CALR3: variants seen among roughly 807,000 people sequenced by gnomAD.
The protein encoded by CALR3 is calreticulin-3.
In CALR3, 39 loss-of-function variants were observed where a neutral mutation model predicts 48.7. That is an observed-to-expected ratio of 0.80 (90% CI 0.62 to 1.05). The LOEUF (loss-of-function observed/expected upper bound fraction) is 1.05. CALR3 is among the 50% of genes least tolerant of loss of function. The pLI, the probability that CALR3 is intolerant of heterozygous loss-of-function variation, is 0.00. For missense variants in CALR3, 449 were observed against 474.7 expected (o/e 0.95, Z 0.50); for synonymous variants, 185 against 172.7 (o/e 1.07, Z -0.56).
chr19:16,489,238 A>G (rs2093394142), intron 3 of CALR3, among the ~76,000 whole-genome samples: 1 of 152,134 alleles, frequency 6.6e-6, no homozygotes, highest in African/African-American at 2.4e-5. Flanking sequence ...TAATCCCAGC[A>G]CTTTGGAAGG....
intron 4 of CALR3, among the ~76,000 whole-genome samples, chr19:16,484,544 G>T (rs777716465): frequency 1.4e-4 from 21 of 151,830 alleles, no homozygotes; most frequent in Non-Finnish European, 2.5e-4. Flanking sequence ...TTGAGACAGG[G>T]TCTTGCTCTG....
chr19:16,485,299 C>T (rs2093387546), intron 3 of CALR3, 42 bp from the exon 4 acceptor site: 2 of 1,286,576 alleles, frequency 1.6e-6, no homozygotes, highest in African/African-American at 1.5e-5. Context: ...TTCCATAATG[C>T]ATCACCGTAG....
chr19:16,495,366 C>T (rs2096118978), intron 2 of CALR3, among the ~76,000 whole-genome samples: 3 of 151,566 alleles, frequency 2.0e-5, no homozygotes, highest in Admixed American at 2.0e-4. Context: ...AGTTCGAGAC[C>T]AGCCTGGCCA....
Position 16,479,231 on chromosome 19 carries a change from A to G in CALR3, c.1055T>C (p.Met352Thr). The G allele has an allele frequency of 6.2e-7, 1 of 1,613,854 alleles. No individual in the cohort carries two copies. Among genetic ancestry groups the G allele is most frequent in the Non-Finnish European group, 8.5e-7 (1 of 1,179,976 alleles). Residue 352 changes from methionine (M) to threonine (T), a missense_variant, in exon 9 of 9, where the codon ATG becomes ACG. By Grantham distance (81) the Met-to-Thr change is moderately conservative. Transcript: ENST00000269881. Reference protein sequence around the residue: ...EMDAIQAKEEMKKAREEEEEE... With the variant: ...EMDAIQAKEETKKAREEEEEE... Reference sequence around the variant, plus strand: ...CTCCTCTTCCTCGCGGGCCTTCTTCATTTCCTCCTTGGCCTGTATGGCATC... The same window carrying G: ...CTCCTCTTCCTCGCGGGCCTTCTTCGTTTCCTCCTTGGCCTGTATGGCATC...
At chr19:16,481,854 G>T (rs2093381223) in intron 7 of CALR3, among the ~76,000 whole-genome samples, 1 of 150,954 alleles carries the variant, frequency 6.6e-6, no homozygotes, top group Non-Finnish European at 1.5e-5. Context: ...CACTTTGGAA[G>T]GCTGAGGTGG....
rs199561391 is a variant in CALR3, at chr19:16,490,547, G to A, written c.217C>T (p.Arg73Ter). ...DKGLQTTQNG[R>*]FYAISARFKP... is the part of the protein sequence containing the mutation. ...AAGCGTGCAGAGATGGCATAGAATC[G>A]GCCATTCTGAGTGGTTTGCAGACCT... Residue 73 changes from arginine to a stop codon, truncating the protein, a stop_gained, in exon 3 of 9, where the codon CGA becomes TGA. Transcript: ENST00000269881. LOFTEE classifies it high-confidence loss of function. 6 of 1,613,950 alleles carry A rather than the reference G, an allele frequency of 3.7e-6. No homozygotes were observed. In the South Asian group the frequency reaches 4.4e-5, roughly 12 times the overall value.
intron 3 of CALR3, 113 bp downstream of exon 3, chr19:16,490,254 T>C (rs74762906): frequency 1.9e-5 from 17 of 874,334 alleles, no homozygotes; most frequent in Non-Finnish European, 3.2e-5. Flanking sequence ...GGATCCGATA[T>C]ACTCAATACT....
intron 3 of CALR3, among the ~76,000 whole-genome samples, chr19:16,487,481 CAA>C (rs59647657): frequency 1.9e-5 from 2 of 102,720 alleles, no homozygotes; most frequent in African/African-American, 4.1e-5. Flanking sequence ...TGTGTCTCCA[CAA>C]AAAAAAAAAA....
chr19:16,492,402 A>AC (rs1385259539), intron 2 of CALR3, among the ~76,000 whole-genome samples: 1 of 151,916 alleles, frequency 6.6e-6, no homozygotes, highest in Non-Finnish European at 1.5e-5. Context: ...GAGCCATTGC[A>AC]CCCCAGCCTG....
chr19:16,483,664 G>A (rs2093384370), intron 5 of CALR3: 1 of 389,674 alleles, frequency 2.6e-6, no homozygotes. Flanking sequence ...GTTGCCGTGA[G>A]CTGAGATCAC....
At chr19:16,487,263 G>A (rs2093390487) in intron 3 of CALR3, among the ~76,000 whole-genome samples, 1 of 152,078 alleles carries the variant, frequency 6.6e-6, no homozygotes, top group Non-Finnish European at 1.5e-5. Flanking sequence ...TGGATCACCT[G>A]AGGTCAGTAG....
At position 16,480,350 on chromosome 19, in the gene CALR3, G is replaced by A. The variant is rs553091553; in HGVS notation, c.1011+264C>T. On this transcript the variant is annotated intron_variant, in intron 8 of 8. Coordinates refer to ENST00000269881, the MANE Select transcript of CALR3 (RefSeq NM_145046.5). ...GTGGATCACCTGAGGTCAGGACTTCGAGACCAGCCTGAACAATATGGTGAA... is the reference window on the plus strand; with the variant it reads ...GTGGATCACCTGAGGTCAGGACTTCAAGACCAGCCTGAACAATATGGTGAA... Among the ~76,000 whole-genome samples, 3 of 151,662 alleles carry A rather than the reference G, an allele frequency of 2.0e-5. No individual in the cohort carries two copies. In the East Asian group the frequency reaches 5.8e-4, roughly 30 times the overall value.
In CALR3 at chr19:16,482,499, T is replaced by A. The variant is rs1392687037; in HGVS notation, c.869A>T (p.Asp290Val). The change falls in exon 7 of 9, where the codon GAC becomes GTC. Residue 290 changes from aspartate to valine, a missense_variant. By Grantham distance (152) the Asp-to-Val change is radical. Coordinates refer to ENST00000269881, the MANE Select transcript of CALR3 (RefSeq NM_145046.5). ...MKNTDYLTQY[D>V]LSEFENIGAI... ...ACCAATGTTCTCAAATTCTGAGAGG[T>A]CATACTGCGTCAAATAGTCGGTATT... 1.2e-6 allele frequency: 2 copies of A among 1,614,136 alleles called. No homozygotes were observed. Among genetic ancestry groups the A allele is most frequent in the Non-Finnish European group, 1.7e-6 (2 of 1,180,032 alleles).
rs545435917 is a variant in CALR3 at position 16,482,426 on chromosome 19, A to G, written c.918+24T>C. The G allele has an allele frequency of 4.3e-6, 7 of 1,614,086 alleles. No individual in the cohort carries two copies. The Admixed American group carries it at 5.0e-5, about 12-fold the overall frequency. On this transcript the variant is annotated intron_variant, in intron 7 of 8. Coordinates refer to ENST00000269881, the MANE Select transcript of CALR3 (RefSeq NM_145046.5). The stretch of plus-strand genomic sequence containing the variant: ...CAAAACACACACACGCAAAAAATCT[A>G]AAGTAAAGTTAAAACCAAATGACCT...
chr19:16,485,679 A>G (rs569412119), intron 3 of CALR3, among the ~76,000 whole-genome samples: 1 of 148,194 alleles, frequency 6.7e-6, no homozygotes, highest in East Asian at 2.0e-4. Context: ...TTTGAGACAG[A>G]GTCTCACTCT....
chr19:16,491,563 GGTCAGGA>G (rs2093398195), intron 2 of CALR3, among the ~76,000 whole-genome samples: 1 of 151,218 alleles, frequency 6.6e-6, no homozygotes, highest in Non-Finnish European at 1.5e-5. Flanking sequence ...CGGATCACGG[GGTCAGGA>G]GTTTGAGACC....
chr19:16,493,977 G>A (rs1170703707), intron 2 of CALR3, among the ~76,000 whole-genome samples: 1 of 152,102 alleles, frequency 6.6e-6, no homozygotes, highest in South Asian at 2.1e-4. Context: ...GCCTTATCTT[G>A]ACCTGCCTGT....
At chr19:16,494,962 C>G (rs893950905) in intron 2 of CALR3, among the ~76,000 whole-genome samples, 2 of 152,156 alleles carry the variant, frequency 1.3e-5, no homozygotes, top group African/African-American at 4.8e-5. Context: ...AGGCCAAGCA[C>G]CATGGCTCAC....
At chr19:16,480,151 G>A (rs924211006) in intron 8 of CALR3, among the ~76,000 whole-genome samples, 7 of 138,944 alleles carry the variant, frequency 5.0e-5, no homozygotes, top group Admixed American at 1.6e-4. Flanking sequence ...GCAGTGCGCC[G>A]AGATCACGCC....
Sources: gnomAD v4.1 joint callset for allele counts (sites outside exome capture counted in the v4.1 genomes callset) on GRCh38, gnomAD v4.1.1 for gene constraint, MANE v1.5 for transcripts, NCBI Gene and HGNC (gene_info 2026-07-23, HGNC 2026-07-21) for gene names.